Variants in SHROOM3 observed in about 807,000 individuals in gnomAD.
SHROOM3 encodes shroom family member 3, also known as protein Shroom3.
SHROOM3 carries 47 observed loss-of-function variants against 138.6 expected under a neutral mutation model. The ratio of observed to expected loss-of-function variants is 0.34; its 90% CI spans 0.27 to 0.43. The LOEUF (loss-of-function observed/expected upper bound fraction) is 0.43. Ranked by LOEUF, SHROOM3 falls within the 20% of genes least tolerant of loss-of-function variation. The pLI is 1.00. For missense variants in SHROOM3, 2,491 were observed against 2,596.5 expected (o/e 0.96, Z 0.88); for synonymous variants, 1,062 against 1,063.3 (o/e 1.00, Z 0.02).
intron 2 of SHROOM3, among the ~76,000 whole-genome samples, chr4:76,676,131 G>A (rs1055909429): frequency 1.5e-5 from 2 of 133,654 alleles, no homozygotes; most frequent in African/African-American, 5.6e-5. Context: ...CAGGGCATAC[G>A]CATATGCTTC....
At chr4:76,638,409 A>G (rs188863305) in intron 2 of SHROOM3, among the ~76,000 whole-genome samples, 44 of 152,238 alleles carry the variant, frequency 2.9e-4, no homozygotes, top group Admixed American at 2.7e-3. Context: ...AATCAGCCAG[A>G]TGTGGTGGTG....
In SHROOM3 at chr4:76,740,998, G is replaced by A; in HGVS notation, c.2825G>A (p.Arg942Gln). Reference sequence around the variant, plus strand: ...CGTGTCTTGGGGGCCACCTCCTTTCGACGTCGAGACCTGGAGCTGGGGGCG... The same window carrying A: ...CGTGTCTTGGGGGCCACCTCCTTTCAACGTCGAGACCTGGAGCTGGGGGCG... ...QSRVLGATSF[R>Q]RRDLELGAPV... Residue 942 changes from arginine (R) to glutamine (Q), a missense_variant, in exon 5 of 11, where the codon CGA becomes CAA. Physicochemically the swap from Arg to Gln is conservative, Grantham distance 43. Coordinates refer to ENST00000296043, the MANE Select transcript of SHROOM3 (RefSeq NM_020859.4). This position sits in a 1 kb window ranked among gnomAD's most constrained non-coding sequence, Gnocchi z 4.0. 6.7e-7 allele frequency: 1 copy of A among 1,488,242 alleles called. No individual in the cohort carries two copies. The highest frequency in any genetic ancestry group is 8.9e-7 in the Non-Finnish European group (1 of 1,122,972). 92.2% of individuals were successfully genotyped at this position (1,488,242 alleles called of 1,614,324 possible).
intron 1 of SHROOM3, among the ~76,000 whole-genome samples, chr4:76,447,432 G>C (rs1730837265): frequency 6.6e-6 from 1 of 152,130 alleles, no homozygotes; most frequent in Admixed American, 6.5e-5. Flanking sequence ...TCCTCTGAGA[G>C]GTTCACATTT....
At chr4:76,737,980 G>C (rs1387786540) in intron 4 of SHROOM3, among the ~76,000 whole-genome samples, 1 of 152,088 alleles carries the variant, frequency 6.6e-6, no homozygotes, top group Non-Finnish European at 1.5e-5. Context: ...CCATCTGGAG[G>C]AGCTTGTAAA....
chr4:76,721,782 T>C (rs1230894230), intron 3 of SHROOM3, among the ~76,000 whole-genome samples: 1 of 152,176 alleles, frequency 6.6e-6, no homozygotes, highest in East Asian at 1.9e-4. Flanking sequence ...TGTATTTGCA[T>C]AACAGAACAC....
At chr4:76,513,808 T>G (rs886993586) in intron 1 of SHROOM3, among the ~76,000 whole-genome samples, 3 of 151,616 alleles carry the variant, frequency 2.0e-5, no homozygotes, top group Non-Finnish European at 4.4e-5. Flanking sequence ...AGAGGGGGAG[T>G]CTGGAAGACT....
At chr4:76,539,939 C>T (rs1243978829) in intron 1 of SHROOM3, among the ~76,000 whole-genome samples, 4 of 152,218 alleles carry the variant, frequency 2.6e-5, no homozygotes, top group South Asian at 4.1e-4. Flanking sequence ...CTTCCATCTT[C>T]CGGGTTCAAG....
In SHROOM3 at chr4:76,746,847, C is replaced by T. The variant is rs1309076008; in HGVS notation, c.3754-2170C>T. ...TTATTATTATTTTGAGACGGAGTCTCGCTCAGTCACCCAGGCTGGAGTGCA... is the reference window on the plus strand; with the variant it reads ...TTATTATTATTTTGAGACGGAGTCTTGCTCAGTCACCCAGGCTGGAGTGCA... On this transcript the variant is annotated intron_variant, in intron 5 of 10. Coordinates refer to ENST00000296043, the MANE Select transcript of SHROOM3 (RefSeq NM_020859.4). 4.0e-5 allele frequency among the ~76,000 whole-genome samples: 6 copies of T among 150,140 alleles called. No homozygotes were observed. The East Asian group carries it at 9.8e-4, about 24-fold the overall frequency.
chr4:76,616,298 A>C (rs1734873671), intron 2 of SHROOM3, among the ~76,000 whole-genome samples: 1 of 152,206 alleles, frequency 6.6e-6, no homozygotes, highest in Non-Finnish European at 1.5e-5. Flanking sequence ...ATCATAAATA[A>C]TGTTTTTAAA....
At chr4:76,479,841 G>T (rs993066681) in intron 1 of SHROOM3, among the ~76,000 whole-genome samples, 3 of 152,104 alleles carry the variant, frequency 2.0e-5, no homozygotes, top group East Asian at 1.9e-4. Context: ...ATTCTTAAAA[G>T]AATTTTCAAC....
chr4:76,545,076 T>C (rs1386100515), intron 1 of SHROOM3, among the ~76,000 whole-genome samples: 1 of 152,204 alleles, frequency 6.6e-6, no homozygotes, highest in Admixed American at 6.5e-5. Flanking sequence ...AGATTCCCTC[T>C]ACTATTTTCT....
intron 2 of SHROOM3, among the ~76,000 whole-genome samples, chr4:76,625,134 C>A (rs910231364): frequency 1.3e-5 from 2 of 152,320 alleles, no homozygotes; most frequent in East Asian, 1.9e-4. Context: ...TCAGCCAAAT[C>A]TTTGCTTTGC....
At chr4:76,521,894 C>T (rs533629386) in intron 1 of SHROOM3, among the ~76,000 whole-genome samples, 1 of 152,280 alleles carries the variant, frequency 6.6e-6, no homozygotes, top group East Asian at 1.9e-4. Flanking sequence ...GTAAGCAAGT[C>T]AGTGTCATAA....
At chr4:76,689,356 GAGCGCCGAGCC>G (rs202186900) in intron 2 of SHROOM3, among the ~76,000 whole-genome samples, 25,991 of 149,368 alleles carry the variant, frequency 0.17, 2,376 homozygotes, top group Non-Finnish European at 0.2. Context: ...GGTGGCGAGC[GAGCGCCGAGCC>G]AGCGCCGAGC....
In SHROOM3 at chr4:76,697,181, A is replaced by G. The variant is rs143240535; in HGVS notation, c.324-12975A>G. On this transcript the variant is annotated intron_variant, in intron 2 of 10. Transcript: ENST00000296043. The stretch of plus-strand genomic sequence containing the variant: ...GGCCTCAAGTGATCCTCCCACCTTG[A>G]CCTCCCAAAACACTGGGATTAAGGT... 4.5e-3 allele frequency among the ~76,000 whole-genome samples: 659 copies of G among 145,880 alleles called. 6 individuals carry two copies. The highest frequency in any genetic ancestry group is 0.016 in the African/African-American group (609 of 39,026).
At position 76,740,371 on chromosome 4, in the gene SHROOM3, C is replaced by G; in HGVS notation, c.2198C>G (p.Ala733Gly). ...PRPEGRTGAS[A>G]SFNSTDPSPE... ...CCCGAGGGGAGGACCGGTGCCTCGG[C>G]TTCTTTCAACAGCACAGACCCAAGT... The change falls in exon 5 of 11, where the codon GCT (alanine) becomes GGT (glycine). Residue 733 changes from alanine to glycine, a missense_variant. Transcript: ENST00000296043. This position sits in a 1 kb window ranked among gnomAD's most constrained non-coding sequence, Gnocchi z 4.0. 1 of 1,613,092 alleles carries G rather than the reference C, an allele frequency of 6.2e-7. No individual in the cohort carries two copies. The highest frequency in any genetic ancestry group is 1.3e-5 in the African/African-American group (1 of 75,056).
intron 2 of SHROOM3, among the ~76,000 whole-genome samples, chr4:76,690,055 C>T (rs186677336): frequency 3.9e-5 from 6 of 152,262 alleles, no homozygotes; most frequent in African/African-American, 1.4e-4. Flanking sequence ...TTGAGAACTC[C>T]TTGCCTTTCT....
At chr4:76,506,002 A>T (rs901068750) in intron 1 of SHROOM3, among the ~76,000 whole-genome samples, 2 of 152,082 alleles carry the variant, frequency 1.3e-5, no homozygotes, top group Non-Finnish European at 2.9e-5. Flanking sequence ...TAGACTGGAT[A>T]AAAAAATGTG....
At chr4:76,480,788 A>C (rs924207584) in intron 1 of SHROOM3, among the ~76,000 whole-genome samples, 1 of 152,208 alleles carries the variant, frequency 6.6e-6, no homozygotes, top group Non-Finnish European at 1.5e-5. Flanking sequence ...ACAATCTCTC[A>C]GACCATAGTG....
Sources: allele counts gnomAD v4.1 joint callset (sites outside exome capture counted in the v4.1 genomes callset), GRCh38; gene constraint gnomAD v4.1.1; non-coding constraint Gnocchi (gnomAD v3.1); transcripts MANE v1.5; gene names NCBI Gene and HGNC (gene_info 2026-07-23, HGNC 2026-07-21).